SPOCK1: variants seen among roughly 807,000 people sequenced by gnomAD.
SPOCK1 encodes testican-1.
SPOCK1 carries 23 observed loss-of-function variants against 55.3 expected under a neutral mutation model. That is an observed-to-expected ratio of 0.42 (90% CI 0.30 to 0.59). The LOEUF (loss-of-function observed/expected upper bound fraction) is 0.59, where lower values mean the gene tolerates loss of function less well. SPOCK1 is among the 20% of genes least tolerant of loss of function. The probability of loss-of-function intolerance (pLI) is 0.22; values close to 1 mark genes in which losing one functional copy is unlikely to be tolerated. For missense variants in SPOCK1, 499 were observed against 552.5 expected, an observed-to-expected ratio of 0.90 and a Z score of 0.97; for synonymous variants, 226 against 221.0, an observed-to-expected ratio of 1.02 and a Z score of -0.20.
At chr5:137,283,560 C>A (rs1425344412) in intron 2 of SPOCK1, among the ~76,000 whole-genome samples, 1 of 151,966 alleles carries the variant, frequency 6.6e-6, no homozygotes, top group Non-Finnish European at 1.5e-5. Context: ...CCAAAAAATA[C>A]AAAAATTAGC....
chr5:137,265,100 C>T lies in SPOCK1; in HGVS notation c.232+1910G>A, dbSNP rs188403820. Among the ~76,000 whole-genome samples the T allele has an allele frequency of 2.4e-3, 366 of 152,230 alleles. 1 individual carries two copies. The highest frequency in any genetic ancestry group is 4.4e-3 in the African/African-American group (181 of 41,552). ...ATCATTCCTAGGAGAGAAAAATCCTCGTTTGAACTGTTTACCTGCTCAGGT... is the reference window on the plus strand; with the variant it reads ...ATCATTCCTAGGAGAGAAAAATCCTTGTTTGAACTGTTTACCTGCTCAGGT... On this transcript the variant is annotated intron_variant, in intron 3 of 10. Coordinates refer to ENST00000394945, the MANE Select transcript of SPOCK1 (RefSeq NM_004598.4).
chr5:137,039,569 G>A (rs1382887591), intron 6 of SPOCK1, among the ~76,000 whole-genome samples: 4 of 152,118 alleles, frequency 2.6e-5, no homozygotes, highest in Non-Finnish European at 4.4e-5. Context: ...CACCTCTCTG[G>A]CTCTCCTACA....
At chr5:137,079,873 T>C (rs926162728) in intron 5 of SPOCK1, among the ~76,000 whole-genome samples, 1 of 152,044 alleles carries the variant, frequency 6.6e-6, no homozygotes, top group Non-Finnish European at 1.5e-5. Flanking sequence ...TCCAGTGACA[T>C]TTCCAGCCCA....
chr5:137,289,219 T>C (rs1757321914), intron 2 of SPOCK1, among the ~76,000 whole-genome samples: 1 of 152,228 alleles, frequency 6.6e-6, no homozygotes, highest in Non-Finnish European at 1.5e-5. Flanking sequence ...TTATAAGTAA[T>C]ACTCTTGTTT....
At chr5:137,082,590 C>T (rs1324623418) in intron 5 of SPOCK1, among the ~76,000 whole-genome samples, 1 of 152,166 alleles carries the variant, frequency 6.6e-6, no homozygotes, top group African/African-American at 2.4e-5. Context: ...GCATAACAAG[C>T]ATCCAGGTTT....
At chr5:137,132,940 G>A (rs1277470742) in intron 4 of SPOCK1, among the ~76,000 whole-genome samples, 1 of 152,180 alleles carries the variant, frequency 6.6e-6, no homozygotes, top group Non-Finnish European at 1.5e-5. Context: ...GGTTGACCTT[G>A]CCAGGTAAAC....
intron 2 of SPOCK1, among the ~76,000 whole-genome samples, chr5:137,286,220 C>G (rs542746868): frequency 6.6e-6 from 1 of 152,142 alleles, no homozygotes; most frequent in Non-Finnish European, 1.5e-5. Flanking sequence ...TAGGTCCATT[C>G]GTTTTTAAAG....
At chr5:137,032,765 G>A (rs1304806392) in intron 6 of SPOCK1, among the ~76,000 whole-genome samples, 1 of 152,168 alleles carries the variant, frequency 6.6e-6, no homozygotes, top group South Asian at 2.1e-4. Context: ...GATGAGAAAA[G>A]GGAGGCAGTC....
chr5:137,140,429 A>G, intron 4 of SPOCK1, 151 bp downstream of exon 4: 1 of 546,142 alleles, frequency 1.8e-6, no homozygotes, highest in Non-Finnish European at 3.2e-6. Context: ...TTCCTATCAT[A>G]GTCAGAGTAC....
intron 3 of SPOCK1, among the ~76,000 whole-genome samples, chr5:137,146,196 C>T (rs1237073738): frequency 1.3e-5 from 2 of 152,208 alleles, no homozygotes; most frequent in Non-Finnish European, 2.9e-5. Flanking sequence ...GGCTGAAAGG[C>T]CCAGTGGTCA....
chr5:137,244,761 G>A (rs1273901605), intron 3 of SPOCK1, among the ~76,000 whole-genome samples: 1 of 152,180 alleles, frequency 6.6e-6, no homozygotes, highest in Non-Finnish European at 1.5e-5. Flanking sequence ...AAGGCAAGGT[G>A]CTGGGCACCT....
intron 2 of SPOCK1, among the ~76,000 whole-genome samples, chr5:137,347,393 C>T (rs1362542442): frequency 2.0e-5 from 3 of 152,212 alleles, no homozygotes. Flanking sequence ...AACCACCAGT[C>T]TCCACCTGGT....
In SPOCK1 at chr5:137,103,995, G is replaced by A. The variant is rs77535215; in HGVS notation, c.474+8440C>T. Among the ~76,000 whole-genome samples the A allele has an allele frequency of 3.2e-3, 491 of 152,314 alleles. 3 individuals are homozygous for A. Among genetic ancestry groups the A allele is most frequent in the Middle Eastern group, 0.02 (6 of 294 alleles). On this transcript the variant is annotated intron_variant, in intron 5 of 10. Coordinates refer to ENST00000394945, the MANE Select transcript of SPOCK1 (RefSeq NM_004598.4). ...TGTTGAATGTATACAGCAAAATCAC[G>A]TGGAGTTGGTTAGATGCCACTGAGT...
chr5:137,481,259 T>C (rs548554324), intron 2 of SPOCK1, among the ~76,000 whole-genome samples: 1 of 152,366 alleles, frequency 6.6e-6, no homozygotes, highest in South Asian at 2.1e-4. Context: ...TGGTGTCCTA[T>C]GCTTCCCCTC....
intron 2 of SPOCK1, among the ~76,000 whole-genome samples, chr5:137,374,009 T>C (rs541176002): frequency 2.0e-5 from 3 of 152,250 alleles, no homozygotes; most frequent in South Asian, 2.1e-4. Flanking sequence ...CTAGTTAAAA[T>C]GGGGAGATGC....
intron 2 of SPOCK1, among the ~76,000 whole-genome samples, chr5:137,383,808 G>A (rs1376284721): frequency 6.6e-6 from 1 of 152,220 alleles, no homozygotes; most frequent in Non-Finnish European, 1.5e-5. Flanking sequence ...TCAGGCATTG[G>A]AGTCTATTCC....
At chr5:137,410,576 T>C (rs1479471118) in intron 2 of SPOCK1, among the ~76,000 whole-genome samples, 3 of 152,248 alleles carry the variant, frequency 2.0e-5, no homozygotes, top group African/African-American at 4.8e-5. Flanking sequence ...CTTTGGATAA[T>C]TGGCCCAGAA....
chr5:137,284,571 G>A (rs1157019238), intron 2 of SPOCK1, among the ~76,000 whole-genome samples: 1 of 152,230 alleles, frequency 6.6e-6, no homozygotes, highest in Non-Finnish European at 1.5e-5. Flanking sequence ...GCCTGGCTCT[G>A]CACTAGAGTA....
At chr5:137,188,231 C>T (rs1237292915) in intron 3 of SPOCK1, among the ~76,000 whole-genome samples, 1 of 152,234 alleles carries the variant, frequency 6.6e-6, no homozygotes, top group Admixed American at 6.5e-5. Context: ...CTTGCTCCAG[C>T]CACACGTGGC....
Sources: gnomAD v4.1 joint callset for allele counts (sites outside exome capture counted in the v4.1 genomes callset) on GRCh38, gnomAD v4.1.1 for gene constraint, MANE v1.5 for transcripts, NCBI Gene and HGNC (gene_info 2026-07-23, HGNC 2026-07-21) for gene names.